RELN: variants seen among roughly 807,000 people sequenced by gnomAD.
The protein encoded by RELN is reelin.
In RELN, 108 loss-of-function variants were observed where a neutral mutation model predicts 427.6. That is an observed-to-expected ratio of 0.25 (90% CI 0.22 to 0.30). The LOEUF is 0.30. Among genes scored for constraint, RELN ranks in the 10% least tolerant of loss-of-function variants. RELN has a pLI of 1.00. For missense variants in RELN, 3,715 were observed against 4,302.8 expected, an observed-to-expected ratio of 0.86 and a Z score of 3.82; for synonymous variants, 1,524 against 1,513.4, an observed-to-expected ratio of 1.01 and a Z score of -0.16.
At chr7:103,602,017 C>T (rs938305388) in intron 24 of RELN, among the ~76,000 whole-genome samples, 2 of 152,190 alleles carry the variant, frequency 1.3e-5, no homozygotes, top group African/African-American at 4.8e-5. Context: ...CTGCCCACCC[C>T]AGACAGCTGG....
chr7:103,605,933 C>T (rs1039073170), intron 22 of RELN, among the ~76,000 whole-genome samples: 7 of 152,156 alleles, frequency 4.6e-5, no homozygotes, highest in African/African-American at 1.7e-4. Flanking sequence ...CAGTGCTTGT[C>T]ATGGAACATA....
intron 4 of RELN, among the ~76,000 whole-genome samples, chr7:103,760,245 C>CT (rs61569934): frequency 0.069 from 10,367 of 151,210 alleles, 797 homozygotes; most frequent in African/African-American, 0.19. Context: ...AAATCACATG[C>CT]TAAAAGTTAA....
intron 2 of RELN, among the ~76,000 whole-genome samples, chr7:103,862,431 C>T (rs889793319): frequency 6.6e-6 from 1 of 151,596 alleles, no homozygotes; most frequent in Non-Finnish European, 1.5e-5. Flanking sequence ...ATCTATCTAT[C>T]TATCTATCTA....
chr7:103,544,560 G>A (rs1163963060), intron 42 of RELN, among the ~76,000 whole-genome samples: 1 of 152,106 alleles, frequency 6.6e-6, no homozygotes, highest in Non-Finnish European at 1.5e-5. Flanking sequence ...CCCTAATATA[G>A]ATGGCTATTA....
At chr7:103,926,099 C>CCTTTTT (rs1795727919) in intron 1 of RELN, among the ~76,000 whole-genome samples, 1 of 90,074 alleles carries the variant, frequency 1.1e-5, no homozygotes, top group East Asian at 3.8e-4. Context: ...CCCACCCCGC[C>CCTTTTT]TTTTTTTTTT....
At chr7:103,866,400 G>C (rs1224814847) in intron 2 of RELN, among the ~76,000 whole-genome samples, 5 of 152,090 alleles carry the variant, frequency 3.3e-5, no homozygotes, top group African/African-American at 9.7e-5. Context: ...GGGTATGTTT[G>C]ACAGCAAGCA....
At chr7:103,788,347 G>A (rs1265598183) in intron 3 of RELN, among the ~76,000 whole-genome samples, 1 of 152,114 alleles carries the variant, frequency 6.6e-6, no homozygotes, top group Admixed American at 6.5e-5. Context: ...AGGGTAATCA[G>A]GCAAGACAAA....
chr7:103,859,996 T>C (rs977023145), intron 2 of RELN, among the ~76,000 whole-genome samples: 8 of 152,144 alleles, frequency 5.3e-5, no homozygotes, highest in African/African-American at 1.9e-4. Context: ...CCTATGTAAG[T>C]AAACCATTAA....
chr7:103,549,033 G>C (rs1179127002), intron 41 of RELN, among the ~76,000 whole-genome samples: 1 of 151,808 alleles, frequency 6.6e-6, no homozygotes, highest in Non-Finnish European at 1.5e-5. Flanking sequence ...TTAATTCTTA[G>C]CTGGATAATT....
intron 1 of RELN, among the ~76,000 whole-genome samples, chr7:103,938,190 G>T (rs975996473): frequency 6.6e-6 from 1 of 151,870 alleles, no homozygotes; most frequent in African/African-American, 2.4e-5. Context: ...GTGTGGTGGC[G>T]CATGCCTGTT....
Position 103,551,264 on chromosome 7 carries a change from G to A in RELN, c.6105C>T (p.Ser2035=), listed in dbSNP as rs375117582. The A allele has an allele frequency of 2.4e-5, 39 of 1,613,892 alleles. No individual in the cohort carries two copies. The highest frequency in any genetic ancestry group is 4.0e-5 in the African/African-American group (3 of 75,024). ...INVGCSTDSS[S]ADPVRLEFSR... is the part of the protein sequence containing the mutation. ...AAAATTCCAGTCTCACTGGATCCGC[G>A]GATGAGCTATCAGTCGAACAGCCAA... Residue 2035 remains serine (S), a synonymous_variant, in exon 41 of 65, where the codon TCC becomes TCT. Coordinates refer to ENST00000428762, the MANE Select transcript of RELN (RefSeq NM_005045.4).
At chr7:103,744,120 C>T (rs375153035) in intron 6 of RELN, among the ~76,000 whole-genome samples, 4,875 of 152,062 alleles carry the variant, frequency 0.032, 254 homozygotes, top group African/African-American at 0.11. Flanking sequence ...CACTCAAAAC[C>T]GCTCAACTAC....
At position 103,898,979 on chromosome 7, in the gene RELN, T is replaced by C. The variant is rs1267146015; in HGVS notation, c.337+18096A>G. ...AAATCAATTTAGTCATGATGGATTA[T>C]TCTTTAAAACGGTGCTTCCCAAACT... is the stretch of plus-strand genomic sequence containing the variant. On this transcript the variant is annotated intron_variant, in intron 2 of 64. Coordinates refer to ENST00000428762, the MANE Select transcript of RELN (RefSeq NM_005045.4). 3.3e-5 allele frequency among the ~76,000 whole-genome samples: 5 copies of C among 152,150 alleles called. No homozygotes were observed. In the East Asian group the frequency reaches 9.7e-4, roughly 29 times the overall value.
At position 103,525,197 on chromosome 7, in the gene RELN, G is replaced by C. The variant is rs147019290; in HGVS notation, c.7350-1666C>G. ...CTTCAGGTCTCAGAGGAAATGTCAGGTCCTCACAGAGAAATTTTCTTCCTG... is the reference window on the plus strand; with the variant it reads ...CTTCAGGTCTCAGAGGAAATGTCAGCTCCTCACAGAGAAATTTTCTTCCTG... On this transcript the variant is annotated intron_variant, in intron 46 of 64. Transcript: ENST00000428762. Among the ~76,000 whole-genome samples, 1,131 of 152,064 alleles carry C rather than the reference G, an allele frequency of 7.4e-3. 16 individuals are homozygous for C. Among genetic ancestry groups the C allele is most frequent in the African/African-American group, 0.023 (945 of 41,444 alleles).
At position 103,650,429 on chromosome 7, in the gene RELN, T is replaced by C. The variant is rs775197175; in HGVS notation, c.1893-46A>G. On this transcript the variant is annotated intron_variant, in intron 15 of 64. Transcript: ENST00000428762. Reference sequence around the variant, plus strand: ...AACCATCTTCACAACTATGTTCATATCTTTAGAATCTATTTTACATGGTTT... The same window carrying C: ...AACCATCTTCACAACTATGTTCATACCTTTAGAATCTATTTTACATGGTTT... 52 of 1,124,236 alleles carry C rather than the reference T, an allele frequency of 4.6e-5. No homozygotes were observed. The East Asian group carries it at 1.2e-3, about 26-fold the overall frequency. The allele number at this position is 1,124,236 out of a possible 1,614,324, so 69.6% of individuals were successfully genotyped here.
chr7:103,935,856 C>T (rs1795970425), intron 1 of RELN, among the ~76,000 whole-genome samples: 1 of 152,144 alleles, frequency 6.6e-6, no homozygotes, highest in Non-Finnish European at 1.5e-5. Context: ...TTCCACCACT[C>T]CCAATTTGAT....
At chr7:103,677,458 G>A (rs927019393) in intron 11 of RELN, among the ~76,000 whole-genome samples, 23 of 141,368 alleles carry the variant, frequency 1.6e-4, no homozygotes, top group African/African-American at 5.2e-4. Context: ...ATAATAAAAA[G>A]AACAACAACA....
At chr7:103,635,279 G>A in intron 19 of RELN, 146 bp downstream of exon 19, 2 of 775,966 alleles carry the variant, frequency 2.6e-6, no homozygotes, top group Non-Finnish European at 4.1e-6. Context: ...GGTTGGCTTG[G>A]TAGTTTTTCA....
chr7:103,539,394 T>C, intron 44 of RELN, 67 bp from the exon 45 acceptor site: 1 of 1,505,884 alleles, frequency 6.6e-7, no homozygotes, highest in Non-Finnish European at 9.1e-7. Flanking sequence ...GTTCTGCCTT[T>C]TTCGTTTGTT....
Sources: allele counts gnomAD v4.1 joint callset (sites outside exome capture counted in the v4.1 genomes callset), GRCh38; gene constraint gnomAD v4.1.1; transcripts MANE v1.5; gene names NCBI Gene and HGNC (gene_info 2026-07-23, HGNC 2026-07-21).